FSTL5: variants seen among roughly 807,000 people sequenced by gnomAD.
FSTL5 encodes follistatin-related protein 5.
Under a neutral mutation model 89.1 loss-of-function variants are expected in FSTL5, and 62 were observed. The observed-to-expected ratio is 0.70, with a 90% CI of 0.57 to 0.86. FSTL5 has a LOEUF of 0.86. FSTL5 is among the 40% of genes least tolerant of loss of function. The pLI is 0.00. For missense variants in FSTL5, 1,057 were observed against 1,001.6 expected (o/e 1.06, Z -0.75); for synonymous variants, 383 against 346.2 (o/e 1.11, Z -1.18).
intron 6 of FSTL5, among the ~76,000 whole-genome samples, chr4:161,694,352 G>T (rs1237090416): frequency 6.6e-6 from 1 of 151,940 alleles, no homozygotes; most frequent in African/African-American, 2.4e-5. Context: ...CTGTTTCCCA[G>T]TGAATGTTGT....
chr4:161,953,147 C>A (rs1009266240), intron 3 of FSTL5, among the ~76,000 whole-genome samples: 1 of 151,600 alleles, frequency 6.6e-6, no homozygotes, highest in African/African-American at 2.4e-5. Flanking sequence ...CTAAGTAGGT[C>A]CTTCAGAGCA....
intron 7 of FSTL5, among the ~76,000 whole-genome samples, chr4:161,606,035 C>A (rs979991113): frequency 6.6e-6 from 1 of 152,090 alleles, no homozygotes; most frequent in Non-Finnish European, 1.5e-5. Context: ...TCAATTCAGA[C>A]TAGCTTACTG....
At chr4:161,932,586 G>C (rs1734321134) in intron 3 of FSTL5, among the ~76,000 whole-genome samples, 1 of 151,400 alleles carries the variant, frequency 6.6e-6, no homozygotes, top group Non-Finnish European at 1.5e-5. Flanking sequence ...GTAGCCCCTG[G>C]ACCACTGTGA....
chr4:161,669,435 A>G (rs1016031357), intron 6 of FSTL5, among the ~76,000 whole-genome samples: 2 of 152,166 alleles, frequency 1.3e-5, no homozygotes, highest in African/African-American at 2.4e-5. Flanking sequence ...GCACTGGTGA[A>G]ATAATAGACA....
chr4:161,446,460 A>C (rs1732950055), intron 15 of FSTL5, among the ~76,000 whole-genome samples: 1 of 152,026 alleles, frequency 6.6e-6, no homozygotes, highest in Admixed American at 6.6e-5. Flanking sequence ...CATTTTAATA[A>C]CAGTTGCATC....
intron 11 of FSTL5, among the ~76,000 whole-genome samples, chr4:161,506,329 C>T (rs1730482728): frequency 6.6e-6 from 1 of 151,874 alleles, no homozygotes; most frequent in Admixed American, 6.6e-5. Flanking sequence ...CTCTTCGGCC[C>T]CCCAAATTGC....
intron 6 of FSTL5, among the ~76,000 whole-genome samples, chr4:161,734,340 C>T (rs1170223895): frequency 2.0e-5 from 3 of 152,062 alleles, no homozygotes; most frequent in Admixed American, 6.6e-5. Context: ...AATTGAGACA[C>T]GTAAAATATA....
At position 161,920,536 on chromosome 4, in the gene FSTL5, A is replaced by C. The variant is rs199743764; in HGVS notation, c.277T>G (p.Cys93Gly). 9.9e-6 allele frequency: 16 copies of C among 1,613,954 alleles called. No individual in the cohort carries two copies. The highest frequency in any genetic ancestry group is 1.4e-5 in the Non-Finnish European group (16 of 1,180,002). The change falls in exon 4 of 16, where the codon TGC becomes GGC. Residue 93 changes from cysteine (C) to glycine (G), a missense_variant. Transcript: ENST00000306100. ...GQAECACMDL[C>G]KRHYKPVCGS... ...CACACAGGTTTGTAGTGACGTTTGC[A>C]AAGGTCCATACAGGCACATTCTGCT...
Position 161,395,410 on chromosome 4 carries a change from G to A in FSTL5, c.1842-8961C>T, listed in dbSNP as rs150079797. On this transcript the variant is annotated intron_variant, in intron 15 of 15. Coordinates refer to ENST00000306100, the MANE Select transcript of FSTL5 (RefSeq NM_020116.5). ...AAGGTAAAATATCTATGAACACGCAGAAGCAGAAATAAATTTTTCTTTCTA... is the reference window on the plus strand; with the variant it reads ...AAGGTAAAATATCTATGAACACGCAAAAGCAGAAATAAATTTTTCTTTCTA... 2.1e-4 allele frequency among the ~76,000 whole-genome samples: 32 copies of A among 152,040 alleles called. 1 individual carries two copies. The highest frequency in any genetic ancestry group is 7.7e-4 in the African/African-American group (32 of 41,522).
At position 161,676,960 on chromosome 4, in the gene FSTL5, A is replaced by T. The variant is rs561666765; in HGVS notation, c.728-20466T>A. ...ATTTAAACTATATTAAGTTAGCCAT[A>T]TTTTAAAACACATTTAAAATAAACT... On this transcript the variant is annotated intron_variant, in intron 6 of 15. Transcript: ENST00000306100. Among the ~76,000 whole-genome samples, 62 of 152,190 alleles carry T rather than the reference A, an allele frequency of 4.1e-4. 1 individual carries two copies. The highest frequency in any genetic ancestry group is 1.5e-3 in the African/African-American group (62 of 41,572).
At chr4:161,556,917 A>C (rs945551665) in intron 8 of FSTL5, among the ~76,000 whole-genome samples, 3 of 150,788 alleles carry the variant, frequency 2.0e-5, no homozygotes, top group African/African-American at 7.3e-5. Context: ...GAAACTACCT[A>C]ATTTGTCTTA....
chr4:161,651,583 G>A (rs149654754), intron 7 of FSTL5, among the ~76,000 whole-genome samples: 19 of 152,260 alleles, frequency 1.2e-4, no homozygotes, highest in East Asian at 3.9e-4. Context: ...TGCAGATGTC[G>A]TTTCATAGAA....
rs184307016 is a variant in FSTL5 at position 161,926,963 on chromosome 4, C to T, written c.161-6311G>A. ...TGGTAGATACAGAGACAGAAAGACA[C>T]GTAGACCATATGTGAATTTATGATA... On this transcript the variant is annotated intron_variant, in intron 3 of 15. Transcript: ENST00000306100. 9.9e-5 allele frequency among the ~76,000 whole-genome samples: 15 copies of T among 151,796 alleles called. No individual in the cohort carries two copies. The East Asian group carries it at 2.7e-3, about 28-fold the overall frequency.
chr4:161,573,783 T>C (rs1401588923), intron 8 of FSTL5, among the ~76,000 whole-genome samples: 2 of 90,302 alleles, frequency 2.2e-5, no homozygotes, highest in East Asian at 3.1e-4. Flanking sequence ...GAAAGACACA[T>C]AGAAAAGAAG....
intron 7 of FSTL5, among the ~76,000 whole-genome samples, chr4:161,645,076 TTGAGA>T (rs978437621): frequency 3.9e-5 from 6 of 152,110 alleles, no homozygotes; most frequent in Admixed American, 1.3e-4. Flanking sequence ...ATAAAAAAAT[TTGAGA>T]CTCAAAAGGC....
At chr4:161,682,801 C>G (rs1334060992) in intron 6 of FSTL5, among the ~76,000 whole-genome samples, 1 of 151,930 alleles carries the variant, frequency 6.6e-6, no homozygotes, top group East Asian at 1.9e-4. Context: ...GGCTGGGGTG[C>G]AATGGCATGA....
chr4:161,561,193 T>TGACA (rs1560954162), intron 8 of FSTL5, among the ~76,000 whole-genome samples: 3 of 150,326 alleles, frequency 2.0e-5, no homozygotes, highest in South Asian at 2.1e-4. Flanking sequence ...GTATTTTAGA[T>TGACA]GATAGATAGA....
intron 4 of FSTL5, among the ~76,000 whole-genome samples, chr4:161,881,107 C>T (rs148456676): frequency 3.4e-4 from 52 of 151,096 alleles, no homozygotes; most frequent in African/African-American, 1.2e-3. Context: ...ATTAACAAAA[C>T]TTTATTCCAA....
chr4:161,873,851 A>G (rs767249083), intron 4 of FSTL5, among the ~76,000 whole-genome samples: 1 of 151,700 alleles, frequency 6.6e-6, no homozygotes, highest in Non-Finnish European at 1.5e-5. Context: ...TTGCTCGTTC[A>G]TTTATTGAAT....
Sources: gnomAD v4.1 joint callset for allele counts (sites outside exome capture counted in the v4.1 genomes callset) on GRCh38, gnomAD v4.1.1 for gene constraint, MANE v1.5 for transcripts, NCBI Gene and HGNC (gene_info 2026-07-23, HGNC 2026-07-21) for gene names.